The following SPMIP4 variants were observed in gnomAD, a reference collection of about 807,000 sequenced individuals.
SPMIP4 encodes sperm microtubule inner protein 4.
chr7:25,148,564 T>G, the SPMIP4 span, among the ~76,000 whole-genome samples: 2 of 148,416 alleles, frequency 1.3e-5, no homozygotes, highest in Non-Finnish European at 3.0e-5. Context: ...AGCCTCTGCC[T>G]CCCGAGTTCA....
the SPMIP4 span, chr7:25,136,735 C>A: frequency 6.2e-7 from 1 of 1,614,038 alleles, no homozygotes; most frequent in Non-Finnish European, 8.5e-7. The surrounding 1 kb of genome is among the most constrained non-coding windows in gnomAD (Gnocchi z 5.7). Flanking sequence ...CTGAATTAAT[C>A]GGGCAATTCG....
chr7:25,133,304 T>A, the SPMIP4 span, among the ~76,000 whole-genome samples: 1 of 152,318 alleles, frequency 6.6e-6, no homozygotes, highest in East Asian at 1.9e-4. Flanking sequence ...CTCTAGATGT[T>A]AAAGAGGTTG....
chr7:25,180,056 G>C, the SPMIP4 span: 1 of 152,448 alleles, frequency 6.6e-6, no homozygotes, highest in Non-Finnish European at 1.5e-5. Context: ...GAGGAATTTT[G>C]AGGTCGTCCG....
the SPMIP4 span, chr7:25,168,334 C>G: frequency 6.2e-7 from 1 of 1,611,914 alleles, no homozygotes; most frequent in Non-Finnish European, 8.5e-7. Flanking sequence ...ATGTCCTTTG[C>G]CCATGACACG....
the SPMIP4 span, among the ~76,000 whole-genome samples, chr7:25,141,535 G>A: frequency 4.4e-5 from 6 of 135,552 alleles, no homozygotes; most frequent in South Asian, 2.4e-4. Flanking sequence ...TCGTGCCACC[G>A]TACTCCAGCC....
chr7:25,151,504 T>A, the SPMIP4 span: 1 of 766,982 alleles, frequency 1.3e-6, no homozygotes, highest in African/African-American at 1.8e-5. Context: ...ATTATGGGCA[T>A]GTGCCACCAT....
chr7:25,168,014 A>C, the SPMIP4 span, among the ~76,000 whole-genome samples: 1 of 152,180 alleles, frequency 6.6e-6, no homozygotes, highest in Non-Finnish European at 1.5e-5. Flanking sequence ...TCAAACAAAA[A>C]TATTTAAAAT....
At chr7:25,166,684 C>G in the SPMIP4 span, among the ~76,000 whole-genome samples, 2 of 151,502 alleles carry the variant, frequency 1.3e-5, no homozygotes, top group African/African-American at 2.4e-5. Flanking sequence ...GTCGGGAGTT[C>G]GAGACCTGCC....
chr7:25,141,728 TGAA>T, the SPMIP4 span, among the ~76,000 whole-genome samples: 1 of 151,442 alleles, frequency 6.6e-6, no homozygotes, highest in Non-Finnish European at 1.5e-5. Context: ...AAAACCACTC[TGAA>T]GAAGAAAAGA....
At chr7:25,162,464 AC>A in the SPMIP4 span, among the ~76,000 whole-genome samples, 1 of 152,114 alleles carries the variant, frequency 6.6e-6, no homozygotes, top group African/African-American at 2.4e-5. Context: ...TAAGTAAAAT[AC>A]AAACAATAAA....
the SPMIP4 span, among the ~76,000 whole-genome samples, chr7:25,128,789 C>T: frequency 6.6e-6 from 1 of 152,200 alleles, no homozygotes; most frequent in Admixed American, 6.5e-5. This position sits in a 1 kb window ranked among gnomAD's most constrained non-coding sequence, Gnocchi z 4.5. Flanking sequence ...GCCACCACAC[C>T]TGAAGCCAGC....
chr7:25,134,121 G>A, the SPMIP4 span, among the ~76,000 whole-genome samples: 6 of 151,838 alleles, frequency 4.0e-5, no homozygotes, highest in Non-Finnish European at 8.8e-5. Flanking sequence ...TTAGCCGGGC[G>A]TGGTGGCAGG....
the SPMIP4 span, chr7:25,142,829 T>A: frequency 6.7e-7 from 1 of 1,489,540 alleles, no homozygotes; most frequent in Non-Finnish European, 8.9e-7. Flanking sequence ...AATATGAACA[T>A]AAAGATTACT....
At chr7:25,128,494 G>A in the SPMIP4 span, among the ~76,000 whole-genome samples, 1 of 152,186 alleles carries the variant, frequency 6.6e-6, no homozygotes. This position sits in a 1 kb window ranked among gnomAD's most constrained non-coding sequence, Gnocchi z 4.5. Context: ...CTAGCCCATG[G>A]CTAGTACTTC....
At chr7:25,139,763 T>C in the SPMIP4 span, among the ~76,000 whole-genome samples, 2 of 152,348 alleles carry the variant, frequency 1.3e-5, no homozygotes, top group East Asian at 1.9e-4. Context: ...ACTTTGACCA[T>C]ATATATTTCT....
the SPMIP4 span, among the ~76,000 whole-genome samples, chr7:25,131,639 A>C: frequency 6.6e-6 from 1 of 152,220 alleles, no homozygotes; most frequent in African/African-American, 2.4e-5. The surrounding 1 kb of genome is among the most constrained non-coding windows in gnomAD (Gnocchi z 4.2). Context: ...GCAGCAGGCC[A>C]CTTCCAAGAT....
At chr7:25,170,032 A>C in the SPMIP4 span, among the ~76,000 whole-genome samples, 4 of 152,306 alleles carry the variant, frequency 2.6e-5, no homozygotes, top group South Asian at 8.3e-4. Context: ...TTTGGTTTGA[A>C]TACCTGTTTT....
chr7:25,126,857 T>C, the SPMIP4 span, among the ~76,000 whole-genome samples: 1 of 152,252 alleles, frequency 6.6e-6, no homozygotes, highest in Non-Finnish European at 1.5e-5. Context: ...TTAGCATTTC[T>C]TGTAGGACAG....
the SPMIP4 span, among the ~76,000 whole-genome samples, chr7:25,165,438 T>C: frequency 6.6e-6 from 1 of 152,214 alleles, no homozygotes; most frequent in Admixed American, 6.5e-5. Context: ...TATATTTTCA[T>C]TTGTATGAAA....
Sources: gnomAD v4.1 joint callset for allele counts (sites outside exome capture counted in the v4.1 genomes callset) on GRCh38, gnomAD v4.1.1 for gene constraint, Gnocchi (gnomAD v3.1) non-coding constraint, MANE v1.5 for transcripts, NCBI Gene and HGNC (gene_info 2026-07-23, HGNC 2026-07-21) for gene names.